MYH14: variants seen among roughly 807,000 people sequenced by gnomAD.
MYH14 encodes the protein myosin-14.
A neutral mutation model predicts 255.5 loss-of-function variants in MYH14; 123 were observed. That is an observed-to-expected ratio of 0.48 (90% CI 0.42 to 0.56). The LOEUF (loss-of-function observed/expected upper bound fraction) is 0.56. Ranked by LOEUF, MYH14 falls within the 20% of genes least tolerant of loss-of-function variation. The probability of loss-of-function intolerance (pLI) is 0.00; values close to 1 mark genes in which losing one functional copy is unlikely to be tolerated. For missense variants in MYH14, 2,423 were observed against 2,802.3 expected (o/e 0.86, Z 3.06); for synonymous variants, 1,095 against 1,161.2 (o/e 0.94, Z 1.16).
chr19:50,225,707 G>A (rs376364509), intron 7 of MYH14, 30 bp downstream of exon 7: 330 of 1,560,016 alleles, frequency 2.1e-4, no homozygotes, highest in Non-Finnish European at 2.9e-4. Context: ...AGTGCTGGCT[G>A]TGTCAGGGAT....
At chr19:50,294,537 C>T (rs143184663) in intron 39 of MYH14, among the ~76,000 whole-genome samples, 2 of 149,804 alleles carry the variant, frequency 1.3e-5, no homozygotes, top group East Asian at 2.0e-4. Flanking sequence ...CAGGTTCAAG[C>T]GATTCTCCTG....
rs528435682 is a variant in MYH14 at position 50,295,053 on chromosome 19, C to T, written c.5469+1366C>T. On this transcript the variant is annotated intron_variant, in intron 39 of 42. Coordinates refer to ENST00000642316, the MANE Select transcript of MYH14 (RefSeq NM_001145809.2). ...AAAACAGGCCAGGTGTGGCCGGGCG[C>T]GGTGGCTCACGCCTGTAATCCCAGA... 1.1e-4 allele frequency among the ~76,000 whole-genome samples: 16 copies of T among 148,656 alleles called. No individual in the cohort carries two copies. In the South Asian group the frequency reaches 1.5e-3, roughly 14 times the overall value.
At chr19:50,307,729 A>G (rs1197866225) in intron 41 of MYH14, among the ~76,000 whole-genome samples, 3 of 152,188 alleles carry the variant, frequency 2.0e-5, no homozygotes, top group Non-Finnish European at 4.4e-5. Context: ...GCATTTCCTC[A>G]CTAGTCCCAT....
chr19:50,309,397 A>G (rs1354188033), intron 42 of MYH14: 11 of 611,444 alleles, frequency 1.8e-5, no homozygotes, highest in Non-Finnish European at 2.9e-5. Flanking sequence ...CTCCTTTCCC[A>G]CCGTGCACCA....
rs918892594 is a variant in MYH14, at chr19:50,252,967, T to C, written c.1945+214T>C. 6.6e-6 allele frequency among the ~76,000 whole-genome samples: 1 copy of C among 152,210 alleles called. No homozygotes were observed. Among genetic ancestry groups the C allele is most frequent in the Admixed American group, 6.5e-5 (1 of 15,280 alleles). ...TATTGATTTGATTGATAAGCCAGCA[T>C]CCTTCTCAAGGATAAAGCACTCCGC... On this transcript the variant is annotated intron_variant, in intron 16 of 42. Coordinates refer to ENST00000642316, the MANE Select transcript of MYH14 (RefSeq NM_001145809.2). The surrounding 1 kb of genome is among the most constrained non-coding windows in gnomAD (Gnocchi z 4.2).
At position 50,204,271 on chromosome 19, in the gene MYH14, A is replaced by G. The variant is rs1248502975; in HGVS notation, c.-4+600A>G. 2.0e-5 allele frequency among the ~76,000 whole-genome samples: 3 copies of G among 152,312 alleles called. No homozygotes were observed. The East Asian group carries it at 5.8e-4, about 29-fold the overall frequency. ...TGACTGCAGGGGGACCTGGTGGAGAAGAACACTCCAGAGACCAACTGTGTG... is the reference window on the plus strand; with the variant it reads ...TGACTGCAGGGGGACCTGGTGGAGAGGAACACTCCAGAGACCAACTGTGTG... On this transcript the variant is annotated intron_variant, in intron 1 of 42. Coordinates refer to ENST00000642316, the MANE Select transcript of MYH14 (RefSeq NM_001145809.2).
At position 50,257,458 on chromosome 19, in the gene MYH14, G is replaced by A. The variant is rs1284284436; in HGVS notation, c.2204G>A (p.Arg735His). The A allele has an allele frequency of 5.0e-6, 8 of 1,606,702 alleles. No homozygotes were observed. The highest frequency in any genetic ancestry group is 1.7e-5 in the Admixed American group (1 of 58,982). The change falls in exon 18 of 43, where the codon CGC becomes CAC. Residue 735 changes from arginine to histidine, a missense_variant. Physicochemically the swap from Arg to His is conservative, Grantham distance 29. Around this residue, in one of 3 missense-constraint regions of MYH14, gnomAD observed 672 missense variants for 881.8 expected, o/e 0.76. Coordinates refer to ENST00000642316, the MANE Select transcript of MYH14 (RefSeq NM_001145809.2). ...AGCAACACCAACCCCAGTTTTGTCC[G>A]CTGCATTGTCCCCAACCACGAGAAG... Reference protein sequence around the residue: ...TLSNTNPSFVRCIVPNHEKRA... With the variant: ...TLSNTNPSFVHCIVPNHEKRA...
At chr19:50,231,815 C>T in intron 9 of MYH14, 115 bp from the exon 10 acceptor site, 1 of 1,437,952 alleles carries the variant, frequency 7.0e-7, no homozygotes, top group Non-Finnish European at 9.5e-7. Context: ...AGTAAAGGCC[C>T]CCACCCACTT....
chr19:50,263,826 G>A (rs1180720976), intron 22 of MYH14, among the ~76,000 whole-genome samples: 2 of 152,048 alleles, frequency 1.3e-5, no homozygotes, highest in Non-Finnish European at 2.9e-5. Context: ...AGAGGCCGAG[G>A]CGGGCGGATC....
At chr19:50,210,164 T>TA (rs1246978784) in intron 1 of MYH14, among the ~76,000 whole-genome samples, 199 bp from the exon 2 acceptor site, 5 of 148,994 alleles carry the variant, frequency 3.4e-5, no homozygotes, top group Non-Finnish European at 7.4e-5. Flanking sequence ...CAGCCTAGCT[T>TA]ATTAAAGAAT....
intron 20 of MYH14, 27 bp from the exon 21 acceptor site, chr19:50,261,448 T>TCA (rs756132657): frequency 1.0e-6 from 1 of 1,000,252 alleles, no homozygotes; most frequent in Non-Finnish European, 1.2e-6. Flanking sequence ...CCCCTCTCCG[T>TCA]CATCACCCCT....
chr19:50,260,041 T>C (rs1376032008), intron 19 of MYH14, among the ~76,000 whole-genome samples: 3 of 152,170 alleles, frequency 2.0e-5, no homozygotes, highest in African/African-American at 7.2e-5. Context: ...TTGTACACAA[T>C]TGAACATTTT....
intron 10 of MYH14, among the ~76,000 whole-genome samples, chr19:50,232,300 CTA>C (rs2033438687): frequency 6.6e-6 from 1 of 152,154 alleles, no homozygotes; most frequent in Non-Finnish European, 1.5e-5. Context: ...TGTTAGTAGA[CTA>C]TGAGTGCAGC....
Position 50,210,475 on chromosome 19 carries a change from G to T in MYH14, c.110G>T (p.Gly37Val), listed in dbSNP as rs775864924. ...TTCACGCCCCGCGGGCCCAGCGCGG[G>T]TGGCGGGCCTGGCTCGGGCACCTCC... ...FLFTPRGPSA[G>V]GGPGSGTSPQ... The change falls in exon 2 of 43, where the codon GGT becomes GTT. Residue 37 changes from glycine to valine, a missense_variant. This residue lies in a region of MYH14 where 238 missense variants were observed against 245.8 expected (regional missense o/e 0.97). Coordinates refer to ENST00000642316, the MANE Select transcript of MYH14 (RefSeq NM_001145809.2). 1 of 1,550,214 alleles carries T rather than the reference G, an allele frequency of 6.5e-7. No individual in the cohort carries two copies.
chr19:50,207,485 T>C (rs989748605), intron 1 of MYH14, among the ~76,000 whole-genome samples: 6 of 151,860 alleles, frequency 4.0e-5, no homozygotes, highest in Non-Finnish European at 8.8e-5. Flanking sequence ...GCCTCCGAGA[T>C]AGCTGGAGCT....
At chr19:50,289,759 T>G in intron 35 of MYH14, 111 bp downstream of exon 35, 1 of 972,220 alleles carries the variant, frequency 1.0e-6, no homozygotes, top group East Asian at 2.7e-5. Flanking sequence ...CACCACTCTG[T>G]CTCCTCCACC....
In MYH14 at chr19:50,225,605, G is replaced by T; in HGVS notation, c.738G>T (p.Leu246=). 6.2e-7 allele frequency: 1 copy of T among 1,613,210 alleles called. No homozygotes were observed. Among genetic ancestry groups the T allele is most frequent in the Non-Finnish European group, 8.5e-7 (1 of 1,179,774 alleles). Residue 246 remains leucine (L), a synonymous_variant, in exon 7 of 43, where the codon CTG becomes CTT. Transcript: ENST00000642316. The part of the protein sequence containing the change: ...TVSYGELERQ[L]LQANPILEAF... ...GGCAGGGTGAGCTGGAGCGGCAGCT[G>T]CTTCAGGCCAACCCCATCCTAGAGG...
intron 8 of MYH14, 40 bp downstream of exon 8, chr19:50,227,006 G>A (rs1313140454): frequency 3.7e-6 from 6 of 1,604,082 alleles, no homozygotes; most frequent in Admixed American, 1.7e-5. Context: ...GCCAAGGGGG[G>A]CAGCCTTTCA....
At chr19:50,245,083 T>C (rs978666987) in intron 11 of MYH14, among the ~76,000 whole-genome samples, 4 of 151,886 alleles carry the variant, frequency 2.6e-5, no homozygotes, top group Admixed American at 6.6e-5. Context: ...TATTATAAAA[T>C]AATACAAGCT....
Sources: gnomAD v4.1 joint callset for allele counts (sites outside exome capture counted in the v4.1 genomes callset) on GRCh38, gnomAD v4.1.1 for gene constraint, gnomAD v4.1.1 regional missense constraint, Gnocchi (gnomAD v3.1) non-coding constraint, MANE v1.5 for transcripts, NCBI Gene and HGNC (gene_info 2026-07-23, HGNC 2026-07-21) for gene names.